The following RAD50 variants were observed in gnomAD, a reference collection of about 807,000 sequenced individuals.
RAD50 encodes the protein RAD50 double strand break repair protein, also known as DNA repair protein RAD50.
In RAD50, 132 loss-of-function variants were observed where a neutral mutation model predicts 168.8. The ratio of observed to expected loss-of-function variants is 0.78; its 90% CI spans 0.68 to 0.90. RAD50 has a LOEUF of 0.90. Ranked by LOEUF, RAD50 falls within the 40% of genes least tolerant of loss-of-function variation. The pLI is 0.00. For missense variants in RAD50, 1,347 were observed against 1,534.4 expected (o/e 0.88, Z 2.04); for synonymous variants, 525 against 497.4 (o/e 1.06, Z -0.74).
chr5:132,623,284 G>A (rs1751315287), intron 21 of RAD50, among the ~76,000 whole-genome samples: 1 of 152,132 alleles, frequency 6.6e-6, no homozygotes. Context: ...TTCAAGACCA[G>A]CCTGGCCAAC....
Position 132,642,162 on chromosome 5 carries a change from G to T in RAD50, c.3753-16G>T. ...ATGCTCTTTACTAATAATATGTTCT[G>T]AATATATTGTTGCAGGATAATAAAA... On this transcript the variant is annotated splice_polypyrimidine_tract_variant and intron_variant, in intron 24 of 24. Coordinates refer to ENST00000378823, the MANE Select transcript of RAD50 (RefSeq NM_005732.4). 2 of 1,610,566 alleles carry T rather than the reference G, an allele frequency of 1.2e-6. No homozygotes were observed. Among genetic ancestry groups the T allele is most frequent in the Non-Finnish European group, 8.5e-7 (1 of 1,176,810 alleles).
chr5:132,592,132 A>T (rs1750713152), intron 11 of RAD50, 98 bp downstream of exon 11: 2 of 1,319,304 alleles, frequency 1.5e-6, no homozygotes, highest in Non-Finnish European at 2.2e-6. Flanking sequence ...ATGGTATGTT[A>T]TATTGATAAA....
intron 5 of RAD50, among the ~76,000 whole-genome samples, chr5:132,586,168 A>G (rs1216425562): frequency 2.2e-5 from 3 of 138,834 alleles, no homozygotes; most frequent in African/African-American, 3.5e-5. Context: ...ATATGATATG[A>G]GGTAAAAGTT....
intron 21 of RAD50, among the ~76,000 whole-genome samples, chr5:132,625,530 C>T (rs1333687209): frequency 2.0e-5 from 3 of 152,142 alleles, no homozygotes; most frequent in Non-Finnish European, 4.4e-5. Flanking sequence ...TCACCTCAAG[C>T]ATTTATCCTT....
intron 2 of RAD50, among the ~76,000 whole-genome samples, chr5:132,560,429 G>T (rs1192949663): frequency 1.3e-5 from 2 of 152,074 alleles, no homozygotes; most frequent in East Asian, 3.8e-4. Context: ...AAATGTAATA[G>T]TATTTAGTAC....
intron 1 of RAD50, among the ~76,000 whole-genome samples, chr5:132,558,593 C>T (rs1190055148): frequency 6.6e-6 from 1 of 151,934 alleles, no homozygotes. Flanking sequence ...TGCCTGTAAT[C>T]CTAGCTACTG....
Position 132,604,817 on chromosome 5 carries a change from A to G in RAD50, c.2536A>G (p.Ile846Val). ...QHKLDTVSSK[I>V]ELNRKLIQDQ... ...ATGTTTTTGTGTAGTTTCTAGTAAGATTGAATTGAATCGTAAGCTTATACA... is the reference window on the plus strand; with the variant it reads ...ATGTTTTTGTGTAGTTTCTAGTAAGGTTGAATTGAATCGTAAGCTTATACA... The change falls in exon 16 of 25, where the codon ATT (isoleucine) becomes GTT (valine). Residue 846 changes from isoleucine to valine, a missense_variant. Physicochemically the swap from Ile to Val is conservative, Grantham distance 29. Transcript: ENST00000378823. 6.2e-7 allele frequency: 1 copy of G among 1,609,978 alleles called. No homozygotes were observed.
intron 21 of RAD50, among the ~76,000 whole-genome samples, chr5:132,634,015 T>C (rs1334052855): frequency 2.6e-5 from 4 of 152,358 alleles, no homozygotes; most frequent in Non-Finnish European, 5.9e-5. Flanking sequence ...TTTTCCTTTG[T>C]ATACCAACTT....
At chr5:132,596,495 A>C (rs1231059272) in intron 13 of RAD50, among the ~76,000 whole-genome samples, 1 of 152,206 alleles carries the variant, frequency 6.6e-6, no homozygotes, top group East Asian at 1.9e-4. Flanking sequence ...CTATGTTTTT[A>C]ATGTCTTTTC....
At chr5:132,633,715 A>G (rs2149861060) in intron 21 of RAD50, among the ~76,000 whole-genome samples, 1 of 152,104 alleles carries the variant, frequency 6.6e-6, no homozygotes, top group African/African-American at 2.4e-5. Context: ...AGCTGGGACT[A>G]CAGGCACTCA....
intron 16 of RAD50, among the ~76,000 whole-genome samples, chr5:132,606,553 G>A (rs913326238): frequency 6.6e-6 from 1 of 152,114 alleles, no homozygotes; most frequent in African/African-American, 2.4e-5. Context: ...AAGAGGAGCT[G>A]GTACCATTCC....
At chr5:132,633,096 TTC>T (rs1751504935) in intron 21 of RAD50, among the ~76,000 whole-genome samples, 2 of 140,570 alleles carry the variant, frequency 1.4e-5, no homozygotes, top group African/African-American at 2.9e-5. Flanking sequence ...CTTTCGTTTT[TTC>T]TTTTTTTTTT....
chr5:132,633,098 CTTTTTTTTT>C (rs34616055), intron 21 of RAD50, among the ~76,000 whole-genome samples: 7 of 113,048 alleles, frequency 6.2e-5, no homozygotes, highest in African/African-American at 2.5e-4. Flanking sequence ...TTCGTTTTTT[CTTTTTTTTT>C]TTTTTTTTTT....
intron 2 of RAD50, among the ~76,000 whole-genome samples, chr5:132,572,835 A>G (rs1750330751): frequency 6.6e-6 from 1 of 152,228 alleles, no homozygotes. Context: ...GCCTCATTCA[A>G]ATAATCCAGG....
intron 21 of RAD50, among the ~76,000 whole-genome samples, chr5:132,629,931 C>T (rs1388467325): frequency 1.3e-5 from 2 of 152,076 alleles, no homozygotes; most frequent in African/African-American, 2.4e-5. Context: ...ATACAATATA[C>T]CAATTTAAAT....
intron 21 of RAD50, among the ~76,000 whole-genome samples, chr5:132,633,423 G>T (rs563078534): frequency 6.6e-6 from 1 of 151,780 alleles, no homozygotes; most frequent in East Asian, 1.9e-4. Context: ...TTTCTTTATG[G>T]TATCTTTTGT....
chr5:132,609,611 G>T (rs1245278054), intron 19 of RAD50, among the ~76,000 whole-genome samples: 1 of 152,080 alleles, frequency 6.6e-6, no homozygotes, highest in Non-Finnish European at 1.5e-5. Context: ...GTGAAACCCT[G>T]TCTGTACTGA....
At chr5:132,640,578 C>G (rs1751696027) in intron 23 of RAD50, 94 bp from the exon 24 acceptor site, 10 of 1,568,598 alleles carry the variant, frequency 6.4e-6, no homozygotes, top group Non-Finnish European at 7.9e-6. Flanking sequence ...ACGTTTCCCA[C>G]TTTTCCCTGC....
At chr5:132,572,993 T>C (rs1302466655) in intron 2 of RAD50, among the ~76,000 whole-genome samples, 1 of 152,250 alleles carries the variant, frequency 6.6e-6, no homozygotes, top group Non-Finnish European at 1.5e-5. Flanking sequence ...ATGCCACAGC[T>C]GAGTTAATGG....
Sources: gnomAD v4.1 joint callset for allele counts (sites outside exome capture counted in the v4.1 genomes callset) on GRCh38, gnomAD v4.1.1 for gene constraint, MANE v1.5 for transcripts, NCBI Gene and HGNC (gene_info 2026-07-23, HGNC 2026-07-21) for gene names.